SGCD: variants seen among roughly 807,000 people sequenced by gnomAD.
SGCD encodes sarcoglycan delta, also known as delta-sarcoglycan.
In SGCD, 18 loss-of-function variants were observed where a neutral mutation model predicts 36.6. The ratio of observed to expected loss-of-function variants is 0.49; its 90% CI spans 0.34 to 0.73. SGCD has a LOEUF of 0.73. SGCD is among the 30% of genes least tolerant of loss of function. The pLI, the probability that SGCD is intolerant of heterozygous loss-of-function variation, is 0.01. For synonymous variants in SGCD, 133 were observed against 130.6 expected (o/e 1.02, Z -0.12); for missense variants, 387 against 346.7 (o/e 1.12, Z -0.92).
intron 7 of SGCD, among the ~76,000 whole-genome samples, chr5:156,740,358 A>G (rs1438701726): frequency 6.6e-6 from 1 of 152,254 alleles, no homozygotes; most frequent in Admixed American, 6.5e-5. Flanking sequence ...GAGCTCTTGA[A>G]GATTCAACGA....
intron 1 of SGCD, among the ~76,000 whole-genome samples, chr5:155,992,779 C>G (rs1466545671): frequency 1.3e-5 from 2 of 152,142 alleles, no homozygotes; most frequent in East Asian, 3.9e-4. Context: ...CACCAGAAGG[C>G]TGGGGTTGAC....
chr5:156,132,730 A>G (rs1404246889), intron 3 of SGCD, among the ~76,000 whole-genome samples: 1 of 151,734 alleles, frequency 6.6e-6, no homozygotes, highest in Non-Finnish European at 1.5e-5. Flanking sequence ...GGCCTCCCAA[A>G]GTGCGGGGAT....
chr5:156,488,869 G>A (rs915982474), intron 3 of SGCD, among the ~76,000 whole-genome samples: 1 of 152,102 alleles, frequency 6.6e-6, no homozygotes, highest in African/African-American at 2.4e-5. Flanking sequence ...TGACAGGAAT[G>A]ATTTCTATCA....
chr5:155,935,622 CA>C (rs1193178147), intron 1 of SGCD, among the ~76,000 whole-genome samples: 1 of 152,146 alleles, frequency 6.6e-6, no homozygotes, highest in African/African-American at 2.4e-5. Flanking sequence ...AGCATGCAGG[CA>C]AGGGAATAGC....
intron 1 of SGCD, among the ~76,000 whole-genome samples, chr5:155,974,417 C>T (rs773075102): frequency 6.6e-6 from 1 of 152,018 alleles, no homozygotes; most frequent in Non-Finnish European, 1.5e-5. Context: ...CTCTTTCACA[C>T]ACCCTCTTTC....
chr5:156,315,137 T>C (rs1767482996), intron 3 of SGCD, among the ~76,000 whole-genome samples: 1 of 151,954 alleles, frequency 6.6e-6, no homozygotes, highest in African/African-American at 2.4e-5. Context: ...TACCATGTTG[T>C]CCATTAAGTC....
At chr5:156,293,204 A>G (rs9885248) in intron 3 of SGCD, among the ~76,000 whole-genome samples, 35,343 of 151,998 alleles carry the variant, frequency 0.23, 4,322 homozygotes, top group Admixed American at 0.26. Context: ...TTTTCCAAAC[A>G]GCTGAAATTA....
chr5:155,982,009 CT>C (rs1758238969), intron 1 of SGCD, among the ~76,000 whole-genome samples: 1 of 152,174 alleles, frequency 6.6e-6, no homozygotes, highest in Non-Finnish European at 1.5e-5. Context: ...TCCTGGAGCT[CT>C]CCTCCTCTCA....
At chr5:156,759,185 C>G in intron 8 of SGCD, 32 bp from the exon 9 acceptor site, 1 of 1,583,966 alleles carries the variant, frequency 6.3e-7, no homozygotes. Context: ...CAGCCTCTGA[C>G]CAATGCTTTC....
the SGCD span, among the ~76,000 whole-genome samples, chr5:155,787,280 A>G: frequency 2.6e-5 from 4 of 152,190 alleles, no homozygotes; most frequent in Non-Finnish European, 2.9e-5. Context: ...GCAAGGGACT[A>G]TACAATTTTA....
the SGCD span, among the ~76,000 whole-genome samples, chr5:155,740,427 A>G: frequency 6.6e-6 from 1 of 152,200 alleles, no homozygotes; most frequent in African/African-American, 2.4e-5. Context: ...AAAAATAGCA[A>G]TGAAAAGCAT....
the SGCD span, among the ~76,000 whole-genome samples, chr5:155,822,857 C>G: frequency 6.6e-6 from 1 of 152,110 alleles, no homozygotes; most frequent in Non-Finnish European, 1.5e-5. Flanking sequence ...TAGAATAGTG[C>G]TTGCCTCTCA....
In SGCD at chr5:156,567,416, AGATAGATAGATAGATG is replaced by A. The variant is rs1294704265; in HGVS notation, c.295-21813_295-21798del. On this transcript the variant is annotated intron_variant, in intron 4 of 8. Transcript: ENST00000337851. ...TAGATAGATAGATAGATAGATAGATAGATAGATAGATAGATGGTAGCTCATGTGATTATGGAGGCTG... is the reference window on the plus strand; with the variant it reads ...TAGATAGATAGATAGATAGATAGATAGTAGCTCATGTGATTATGGAGGCTG... 8.5e-3 allele frequency among the ~76,000 whole-genome samples: 1,268 copies of A among 148,588 alleles called. 11 individuals are homozygous for A. The highest frequency in any genetic ancestry group is 0.011 in the Admixed American group (167 of 14,888).
rs1019914424 is a variant in SGCD, at chr5:155,981,741, C to G, written c.-282+111317C>G. Among the ~76,000 whole-genome samples the G allele has an allele frequency of 2.6e-5, 4 of 152,278 alleles. No homozygotes were observed. The East Asian group carries it at 5.8e-4, about 22-fold the overall frequency. ...TTCCTACAATGAATCTGTGCTATAT[C>G]TGATTGTATCCTGCCCATCCTGGGG... On this transcript the variant is annotated intron_variant, in intron 1 of 9. Coordinates refer to the SGCD transcript ENST00000517913.
the SGCD span, among the ~76,000 whole-genome samples, chr5:155,735,309 A>G: frequency 6.6e-6 from 1 of 152,324 alleles, no homozygotes; most frequent in South Asian, 2.1e-4. Context: ...ATGTAATTAG[A>G]AGGGACATTC....
At position 156,508,981 on chromosome 5, in the gene SGCD, C is replaced by A. The variant is rs256826; in HGVS notation, c.294+279C>A. ...ATAAGGCAAAACAGCAAATGTGGAA[C>A]AGCCATAAATAATATATGAATGCAG... On this transcript the variant is annotated intron_variant, in intron 4 of 8. Transcript: ENST00000337851. Among the ~76,000 whole-genome samples the A allele has an allele frequency of 0.21, 31,356 of 152,168 alleles. 3,292 individuals are homozygous for A. Among genetic ancestry groups the A allele is most frequent in the East Asian group, 0.23 (1,215 of 5,180 alleles).
intron 2 of SGCD, among the ~76,000 whole-genome samples, chr5:156,118,556 C>T (rs183432069): frequency 4.6e-4 from 70 of 152,226 alleles, no homozygotes; most frequent in African/African-American, 1.5e-3. Flanking sequence ...ACCAGCAAAG[C>T]CCAACCCATG....
the SGCD span, among the ~76,000 whole-genome samples, chr5:155,815,090 T>C: frequency 5.9e-5 from 9 of 152,130 alleles, no homozygotes; most frequent in Non-Finnish European, 1.5e-5. Context: ...CTGTAAATTG[T>C]TTCTCTCACT....
At chr5:156,185,845 A>ATGTGTGTG (rs376393608) in intron 3 of SGCD, among the ~76,000 whole-genome samples, 38,495 of 50,348 alleles carry the variant, frequency 0.76, 15,302 homozygotes, top group East Asian at 0.91. Context: ...ATATATATAT[A>ATGTGTGTG]TATATAGAGA....
Sources: allele counts gnomAD v4.1 joint callset (sites outside exome capture counted in the v4.1 genomes callset), GRCh38; gene constraint gnomAD v4.1.1; transcripts MANE v1.5; gene names NCBI Gene and HGNC (gene_info 2026-07-23, HGNC 2026-07-21).